The following SMYD3 variants were observed in gnomAD, a reference collection of about 807,000 sequenced individuals.
SMYD3 encodes SET and MYND domain containing 3.
A neutral mutation model predicts 57.7 loss-of-function variants in SMYD3; 36 were observed. The ratio of observed to expected loss-of-function variants is 0.62; its 90% CI spans 0.48 to 0.82. The LOEUF (loss-of-function observed/expected upper bound fraction) is 0.82, where lower values mean the gene tolerates loss of function less well. SMYD3 is among the 40% of genes least tolerant of loss of function. The probability of loss-of-function intolerance (pLI) is 0.00; values close to 1 mark genes in which losing one functional copy is unlikely to be tolerated. For synonymous variants in SMYD3, 211 were observed against 195.0 expected, an observed-to-expected ratio of 1.08 and a Z score of -0.68; for missense variants, 515 against 538.8, an observed-to-expected ratio of 0.96 and a Z score of 0.44.
intron 5 of SMYD3, among the ~76,000 whole-genome samples, chr1:246,242,067 G>GT (rs547320245): frequency 0.045 from 6,818 of 151,638 alleles, 239 homozygotes; most frequent in African/African-American, 0.087. Flanking sequence ...TTTTTGAAGG[G>GT]TTTTTTTTGT....
chr1:245,983,247 GAATT>G (rs573353705), intron 5 of SMYD3, among the ~76,000 whole-genome samples: 356 of 152,192 alleles, frequency 2.3e-3, no homozygotes, highest in Non-Finnish European at 4.0e-3. Context: ...TCCCATATTA[GAATT>G]AATATAAATG....
intron 5 of SMYD3, among the ~76,000 whole-genome samples, chr1:246,137,097 GT>G (rs574283646): frequency 6.6e-6 from 1 of 152,114 alleles, no homozygotes; most frequent in Non-Finnish European, 1.5e-5. Context: ...TTGGATTTGG[GT>G]TTTTTTAATT....
rs529101358 is a variant in SMYD3 at position 245,966,441 on chromosome 1, T to A, written c.532-36504A>T. On this transcript the variant is annotated intron_variant, in intron 5 of 11. Coordinates refer to ENST00000490107, the MANE Select transcript of SMYD3 (RefSeq NM_001167740.2). ...ACCTTGGCCTCACAAAGGGCCGGGA[T>A]TACAGGCGCACATCACGATGCCAGA... is the stretch of plus-strand genomic sequence containing the variant. 2.6e-5 allele frequency among the ~76,000 whole-genome samples: 4 copies of A among 152,304 alleles called. No individual in the cohort carries two copies. In the South Asian group the frequency reaches 8.3e-4, roughly 32 times the overall value.
intron 5 of SMYD3, among the ~76,000 whole-genome samples, chr1:246,301,635 C>G (rs926610177): frequency 6.6e-6 from 1 of 152,156 alleles, no homozygotes; most frequent in Non-Finnish European, 1.5e-5. Context: ...TAAGGGAACA[C>G]AATAACATTT....
At chr1:246,485,969 G>A (rs2103064489) in intron 1 of SMYD3, among the ~76,000 whole-genome samples, 1 of 152,272 alleles carries the variant, frequency 6.6e-6, no homozygotes, top group Non-Finnish European at 1.5e-5. Context: ...GCACACTAAA[G>A]CCCATGGACT....
At chr1:245,876,218 C>T (rs1411920606) in intron 8 of SMYD3, among the ~76,000 whole-genome samples, 3 of 152,188 alleles carry the variant, frequency 2.0e-5, no homozygotes, top group African/African-American at 7.2e-5. Context: ...CCTGTTGTTC[C>T]TCCAGCTTTG....
intron 5 of SMYD3, 100 bp from the exon 6 acceptor site, chr1:245,930,037 T>C (rs2056618892): frequency 1.1e-6 from 1 of 939,956 alleles, no homozygotes; most frequent in Non-Finnish European, 1.7e-6. Context: ...AGGAGCATCT[T>C]AGTAGTTGCT....
intron 5 of SMYD3, among the ~76,000 whole-genome samples, chr1:246,098,905 C>T (rs543858258): frequency 6.6e-6 from 1 of 152,226 alleles, no homozygotes; most frequent in South Asian, 2.1e-4. Context: ...CCAAAAATAA[C>T]TAAAATGTCA....
At chr1:246,449,874 A>G (rs2067605793) in intron 1 of SMYD3, among the ~76,000 whole-genome samples, 1 of 152,118 alleles carries the variant, frequency 6.6e-6, no homozygotes, top group South Asian at 2.1e-4. Flanking sequence ...GTTTTTAAGT[A>G]ATGTTATTGG....
chr1:245,933,062 T>A (rs1005876826), intron 5 of SMYD3, among the ~76,000 whole-genome samples: 2 of 152,206 alleles, frequency 1.3e-5, no homozygotes, highest in African/African-American at 4.8e-5. Context: ...GGCTTTTTTT[T>A]AGTGCAAGAA....
chr1:245,849,299 G>T (rs12141052), intron 10 of SMYD3, among the ~76,000 whole-genome samples: 21,313 of 152,128 alleles, frequency 0.14, 1,962 homozygotes, highest in East Asian at 0.26. Context: ...TTAAAAGAGG[G>T]GATTGGATTA....
intron 5 of SMYD3, among the ~76,000 whole-genome samples, chr1:246,123,185 T>C (rs967632394): frequency 2.6e-4 from 39 of 152,158 alleles, no homozygotes; most frequent in African/African-American, 9.4e-4. Flanking sequence ...GAGCTGAATA[T>C]GTTCAAAGCA....
At chr1:245,786,922 A>G (rs573856635) in intron 10 of SMYD3, among the ~76,000 whole-genome samples, 1 of 152,336 alleles carries the variant, frequency 6.6e-6, no homozygotes, top group South Asian at 2.1e-4. Flanking sequence ...GAGAAATATG[A>G]AATTACATTG....
At chr1:245,804,375 G>T (rs1257012551) in intron 10 of SMYD3, among the ~76,000 whole-genome samples, 1 of 152,130 alleles carries the variant, frequency 6.6e-6, no homozygotes, top group African/African-American at 2.4e-5. Context: ...GAAGTCAGGA[G>T]ATCCAGACCA....
intron 2 of SMYD3, among the ~76,000 whole-genome samples, chr1:246,337,568 G>A (rs1379884660): frequency 1.3e-5 from 2 of 152,178 alleles, no homozygotes; most frequent in Non-Finnish European, 2.9e-5. Context: ...AAACCTGTCA[G>A]ATGCTCTCAT....
intron 5 of SMYD3, among the ~76,000 whole-genome samples, chr1:246,165,078 G>T (rs12035154): frequency 0.023 from 3,519 of 152,254 alleles, 209 homozygotes; most frequent in East Asian, 0.22. Flanking sequence ...TGTCACCGAA[G>T]CCCAGGGAAA....
intron 5 of SMYD3, among the ~76,000 whole-genome samples, chr1:246,218,736 A>G (rs2063206441): frequency 6.6e-6 from 1 of 152,186 alleles, no homozygotes; most frequent in South Asian, 2.1e-4. Flanking sequence ...TGTGTGTTCA[A>G]TAAAAATTAT....
At chr1:246,021,009 A>G (rs2059461862) in intron 5 of SMYD3, among the ~76,000 whole-genome samples, 1 of 152,196 alleles carries the variant, frequency 6.6e-6, no homozygotes, top group Non-Finnish European at 1.5e-5. Flanking sequence ...TAAACAGCAA[A>G]TTTGATTGTA....
chr1:246,412,530 C>T (rs185143393), intron 1 of SMYD3, among the ~76,000 whole-genome samples: 10 of 151,128 alleles, frequency 6.6e-5, no homozygotes, highest in East Asian at 5.8e-4. Context: ...AAAAAGAATA[C>T]TACCTGATTT....
Sources: gnomAD v4.1 joint callset for allele counts (sites outside exome capture counted in the v4.1 genomes callset) on GRCh38, gnomAD v4.1.1 for gene constraint, MANE v1.5 for transcripts, NCBI Gene and HGNC (gene_info 2026-07-23, HGNC 2026-07-21) for gene names.